Variants in ITPR2 observed in about 807,000 individuals in gnomAD.
ITPR2 encodes the protein inositol 1,4,5-trisphosphate receptor type 2, also known as inositol 1,4,5-trisphosphate-gated calcium channel ITPR2.
ITPR2 carries 207 observed loss-of-function variants against 317.1 expected under a neutral mutation model. That is an observed-to-expected ratio of 0.65 (90% CI 0.58 to 0.73). The LOEUF (loss-of-function observed/expected upper bound fraction) is 0.73. Ranked by LOEUF, ITPR2 falls within the 30% of genes least tolerant of loss-of-function variation. ITPR2 has a pLI of 0.00. For missense variants in ITPR2, 2,613 were observed against 3,284.0 expected (o/e 0.80, Z 4.99); for synonymous variants, 1,156 against 1,149.1 (o/e 1.01, Z -0.12).
intron 1 of ITPR2, among the ~76,000 whole-genome samples, chr12:26,813,929 G>A (rs1950802016): frequency 1.3e-5 from 2 of 152,278 alleles, no homozygotes; most frequent in South Asian, 4.1e-4. Context: ...GTGTACATGT[G>A]TTGTCTCCGC....
chr12:26,464,898 G>A (rs1180556719), intron 45 of ITPR2, among the ~76,000 whole-genome samples: 2 of 152,200 alleles, frequency 1.3e-5, no homozygotes, highest in Non-Finnish European at 2.9e-5. Context: ...GTTGTACACA[G>A]GGTGGGAGGA....
intron 55 of ITPR2, among the ~76,000 whole-genome samples, chr12:26,375,488 C>T (rs752693442): frequency 1.3e-5 from 2 of 152,230 alleles, no homozygotes; most frequent in Non-Finnish European, 2.9e-5. Flanking sequence ...GGTTCACTGG[C>T]TAATGAAAAG....
At chr12:26,762,280 T>C (rs1169304838) in intron 2 of ITPR2, among the ~76,000 whole-genome samples, 1 of 152,196 alleles carries the variant, frequency 6.6e-6, no homozygotes, top group Non-Finnish European at 1.5e-5. Context: ...AAAGAGATCA[T>C]CACTGAAACA....
intron 25 of ITPR2, among the ~76,000 whole-genome samples, chr12:26,621,867 T>C (rs1946504670): frequency 6.6e-6 from 1 of 152,222 alleles, no homozygotes; most frequent in African/African-American, 2.4e-5. Context: ...TTTGGATTTA[T>C]GCAGTTTTCA....
chr12:26,396,990 T>C (rs895492374), intron 54 of ITPR2, among the ~76,000 whole-genome samples: 10 of 152,142 alleles, frequency 6.6e-5, no homozygotes, highest in Admixed American at 5.2e-4. Context: ...CTGCTTTCAT[T>C]ACCTTTCACT....
chr12:26,752,098 T>A (rs1049800989), intron 2 of ITPR2, among the ~76,000 whole-genome samples: 9 of 152,324 alleles, frequency 5.9e-5, no homozygotes, highest in South Asian at 4.1e-4. Flanking sequence ...AAACCCACCT[T>A]AATTTTAACA....
Position 26,595,583 on chromosome 12 carries a change from AT to A in ITPR2, c.4261del (p.Ile1421LeufsTer4). On this transcript the variant is annotated frameshift_variant, in exon 32 of 57. Coordinates refer to ENST00000381340, the MANE Select transcript of ITPR2 (RefSeq NM_002223.4). LOFTEE classifies it high-confidence loss of function. The part of the protein sequence containing the change: ...THDDCIPEVK[I>X]AYVNFVNHCY... ...GTGATTAACAAAGTTCACATAAGCA[AT>A]TTTAACCTGTGCAAGTTTCAAATAC... 1 of 1,565,360 alleles carries A rather than the reference AT, an allele frequency of 6.4e-7. No homozygotes were observed. Among genetic ancestry groups the A allele is most frequent in the South Asian group, 1.2e-5 (1 of 81,762 alleles).
Position 26,597,383 on chromosome 12 carries a change from A to G in ITPR2, c.4003-249T>C, listed in dbSNP as rs1051714004. Among the ~76,000 whole-genome samples the G allele has an allele frequency of 1.1e-4, 16 of 152,238 alleles. No homozygotes were observed. The East Asian group carries it at 2.3e-3, about 22-fold the overall frequency. ...GCAGATAGGGCAAGAATGAAACAAC[A>G]TGGATGAAAGTAAATTGTTCATCAC... On this transcript the variant is annotated intron_variant, in intron 30 of 56. Transcript: ENST00000381340.
chr12:26,443,688 T>G (rs1484784407), intron 45 of ITPR2, 38 bp from the exon 46 acceptor site: 4 of 1,528,576 alleles, frequency 2.6e-6, no homozygotes, highest in Non-Finnish European at 3.6e-6. Flanking sequence ...AGGTCTTCTT[T>G]TCCCCTTTCC....
Position 26,656,151 on chromosome 12 carries a change from G to A in ITPR2, c.2444+146C>T, listed in dbSNP as rs747613753. ...GAGTTATCATTTCACCCTTCAAAAC[G>A]AGTATCTTATTTGCATTTAGAAGAT... On this transcript the variant is annotated intron_variant, in intron 19 of 56. Coordinates refer to ENST00000381340, the MANE Select transcript of ITPR2 (RefSeq NM_002223.4). 1.2e-4 allele frequency: 128 copies of A among 1,035,788 alleles called. No individual in the cohort carries two copies. In the Middle Eastern group the frequency reaches 1.5e-3, roughly 12 times the overall value. The allele number at this position is 1,035,788 out of a possible 1,614,324, so 64.2% of individuals were successfully genotyped here.
At chr12:26,469,513 C>T (rs1424603901) in intron 45 of ITPR2, among the ~76,000 whole-genome samples, 1 of 152,112 alleles carries the variant, frequency 6.6e-6, no homozygotes, top group Non-Finnish European at 1.5e-5. Flanking sequence ...CCCTCCAGAT[C>T]AACCAATCTC....
chr12:26,782,268 T>C (rs1449909356), intron 2 of ITPR2, among the ~76,000 whole-genome samples: 1 of 151,740 alleles, frequency 6.6e-6, no homozygotes, highest in Non-Finnish European at 1.5e-5. Context: ...ATGCACTATG[T>C]TCAGTTCTTT....
At position 26,599,359 on chromosome 12, in the gene ITPR2, A is replaced by C; in HGVS notation, c.3802-14T>G. 6.2e-7 allele frequency: 1 copy of C among 1,611,330 alleles called. No individual in the cohort carries two copies. The highest frequency in any genetic ancestry group is 8.5e-7 in the Non-Finnish European group (1 of 1,177,436). On this transcript the variant is annotated splice_polypyrimidine_tract_variant and intron_variant, in intron 29 of 56. Coordinates refer to ENST00000381340, the MANE Select transcript of ITPR2 (RefSeq NM_002223.4). ...TGCTTCAAGGAGCTAAACACAGAGGAACATGCCCTTGTAATTCTGACAAGA... is the reference window on the plus strand; with the variant it reads ...TGCTTCAAGGAGCTAAACACAGAGGCACATGCCCTTGTAATTCTGACAAGA...
chr12:26,604,610 A>G lies in ITPR2; in HGVS notation c.3463-1904T>C, dbSNP rs148026939. Among the ~76,000 whole-genome samples, 280 of 152,310 alleles carry G rather than the reference A, an allele frequency of 1.8e-3. 1 individual carries two copies. Among genetic ancestry groups the G allele is most frequent in the African/African-American group, 6.3e-3 (260 of 41,574 alleles). On this transcript the variant is annotated intron_variant, in intron 26 of 56. Transcript: ENST00000381340. ...ATACTCACTAGAATTGGAAATGCAA[A>G]AAGTAAAAGATCAAAACACTGAAAG...
At chr12:26,780,040 A>C (rs1189303530) in intron 2 of ITPR2, among the ~76,000 whole-genome samples, 1 of 146,130 alleles carries the variant, frequency 6.8e-6, no homozygotes, top group Non-Finnish European at 1.6e-5. Flanking sequence ...TTCTGTGGAC[A>C]CCACTCAGCC....
At chr12:26,764,042 T>C (rs1482098651) in intron 2 of ITPR2, among the ~76,000 whole-genome samples, 2 of 152,006 alleles carry the variant, frequency 1.3e-5, no homozygotes, top group East Asian at 1.9e-4. Flanking sequence ...AGCCCAGAAA[T>C]AGACTTACAT....
intron 2 of ITPR2, among the ~76,000 whole-genome samples, chr12:26,731,006 A>G (rs1339822588): frequency 3.3e-5 from 5 of 152,100 alleles, no homozygotes; most frequent in Non-Finnish European, 7.4e-5. Flanking sequence ...TTTCTACAAT[A>G]TTTGTATCAG....
At chr12:26,445,653 C>T (rs1272267980) in intron 45 of ITPR2, among the ~76,000 whole-genome samples, 3 of 152,070 alleles carry the variant, frequency 2.0e-5, no homozygotes, top group Non-Finnish European at 4.4e-5. Flanking sequence ...TTTGGTTTAG[C>T]AACTCAGAAA....
In ITPR2 at chr12:26,599,996, T is replaced by C. The variant is rs753890332; in HGVS notation, c.3792A>G (p.Leu1264=). The C allele has an allele frequency of 5.0e-6, 8 of 1,604,506 alleles. No individual in the cohort carries two copies. The highest frequency in any genetic ancestry group is 6.0e-6 in the Non-Finnish European group (7 of 1,172,022). The part of the protein sequence containing the change: ...VLLHKHLNLF[L]TPGLLEAETM... The stretch of plus-strand genomic sequence containing the variant: ...CCACTAAAATACTTACACCTGGAGT[T>C]AAAAACAAATTCAGATGTTTATGAA... Residue 1264 remains leucine, a synonymous_variant, in exon 29 of 57, where the codon TTA becomes TTG. Coordinates refer to ENST00000381340, the MANE Select transcript of ITPR2 (RefSeq NM_002223.4).
Sources: gnomAD v4.1 joint callset for allele counts (sites outside exome capture counted in the v4.1 genomes callset) on GRCh38, gnomAD v4.1.1 for gene constraint, MANE v1.5 for transcripts, NCBI Gene and HGNC (gene_info 2026-07-23, HGNC 2026-07-21) for gene names.